EFCAB11: variants seen among roughly 807,000 people sequenced by gnomAD.
The protein encoded by EFCAB11 is EF-hand calcium-binding domain-containing protein 11.
A neutral mutation model predicts 23.0 loss-of-function variants in EFCAB11; 14 were observed. That is an observed-to-expected ratio of 0.61 (90% CI 0.40 to 0.95). The LOEUF (loss-of-function observed/expected upper bound fraction) is 0.95. Among genes scored for constraint, EFCAB11 ranks in the 40% least tolerant of loss-of-function variants. EFCAB11 has a pLI of 0.00. For synonymous variants in EFCAB11, 65 were observed against 66.6 expected (o/e 0.98, Z 0.11); for missense variants, 198 against 195.8 (o/e 1.01, Z -0.07).
chr14:89,944,662 A>C (rs1174330932), intron 3 of EFCAB11, among the ~76,000 whole-genome samples: 1 of 152,184 alleles, frequency 6.6e-6, no homozygotes, highest in Non-Finnish European at 1.5e-5. Flanking sequence ...AGAAGTTGTA[A>C]CTAATGGAAC....
chr14:89,836,226 C>A (rs936602305), intron 5 of EFCAB11, among the ~76,000 whole-genome samples: 2 of 151,866 alleles, frequency 1.3e-5, no homozygotes, highest in African/African-American at 2.4e-5. Context: ...ACAGAGGCGA[C>A]CCTACCCTGG....
chr14:89,952,991 A>G (rs1385229655), intron 2 of EFCAB11, among the ~76,000 whole-genome samples: 3 of 152,222 alleles, frequency 2.0e-5, no homozygotes, highest in Non-Finnish European at 4.4e-5. Context: ...GACAGGGGTG[A>G]GCAGGAAACT....
chr14:89,850,852 C>A (rs958925300), intron 5 of EFCAB11, among the ~76,000 whole-genome samples: 1 of 152,144 alleles, frequency 6.6e-6, no homozygotes, highest in East Asian at 1.9e-4. Context: ...TGGTTAGTGG[C>A]TTCTTGGGAT....
intron 5 of EFCAB11, among the ~76,000 whole-genome samples, chr14:89,815,123 G>C (rs1187299386): frequency 6.6e-6 from 1 of 152,146 alleles, no homozygotes; most frequent in Non-Finnish European, 1.5e-5. Flanking sequence ...TGAATAAGAC[G>C]TGAAGATCTG....
At chr14:89,801,535 G>A (rs566111887) in intron 5 of EFCAB11, among the ~76,000 whole-genome samples, 1 of 152,282 alleles carries the variant, frequency 6.6e-6, no homozygotes, top group African/African-American at 2.4e-5. Flanking sequence ...TCCCCCAGGT[G>A]TAGAATGGAG....
chr14:89,902,943 G>T (rs1028387269), intron 5 of EFCAB11, among the ~76,000 whole-genome samples: 3 of 152,202 alleles, frequency 2.0e-5, no homozygotes, highest in African/African-American at 7.2e-5. Context: ...ATAAGAGATA[G>T]CAAGAGGTGA....
At chr14:89,923,645 T>G in intron 5 of EFCAB11, 1 of 977,458 alleles carries the variant, frequency 1.0e-6, no homozygotes, top group South Asian at 4.8e-5. Context: ...TTATGGATGT[T>G]TCTATACCTG....
intron 5 of EFCAB11, among the ~76,000 whole-genome samples, chr14:89,882,306 A>G (rs1888626378): frequency 6.6e-6 from 1 of 152,202 alleles, no homozygotes; most frequent in Non-Finnish European, 1.5e-5. Context: ...ACAATGGGAA[A>G]TGTATGTGCG....
chr14:89,842,816 T>A (rs1387106034), intron 5 of EFCAB11, among the ~76,000 whole-genome samples: 1 of 152,132 alleles, frequency 6.6e-6, no homozygotes, highest in Non-Finnish European at 1.5e-5. Context: ...CTCTTATTTC[T>A]GCAGTGGAGC....
At chr14:89,883,950 AC>A (rs1888675589) in intron 5 of EFCAB11, among the ~76,000 whole-genome samples, 1 of 152,084 alleles carries the variant, frequency 6.6e-6, no homozygotes, top group Admixed American at 6.5e-5. Context: ...ACAGAGTGAG[AC>A]CTCATCTCCA....
intron 3 of EFCAB11, among the ~76,000 whole-genome samples, chr14:89,939,083 T>C (rs1890698197): frequency 6.6e-6 from 1 of 151,990 alleles, no homozygotes; most frequent in African/African-American, 2.4e-5. Context: ...ACACATCTCC[T>C]GCTCATAAAG....
At chr14:89,888,372 TG>T (rs1318117454) in intron 5 of EFCAB11, among the ~76,000 whole-genome samples, 2 of 152,242 alleles carry the variant, frequency 1.3e-5, no homozygotes, top group African/African-American at 4.8e-5. Flanking sequence ...AAGGTTTAGA[TG>T]GCTTATGGTT....
At chr14:89,904,307 A>G (rs1295656794) in intron 5 of EFCAB11, among the ~76,000 whole-genome samples, 2 of 152,126 alleles carry the variant, frequency 1.3e-5, no homozygotes, top group African/African-American at 4.8e-5. Flanking sequence ...ACATGAACTC[A>G]TCCTTTTTTA....
At chr14:89,837,887 G>A (rs1887137155) in intron 5 of EFCAB11, among the ~76,000 whole-genome samples, 1 of 152,098 alleles carries the variant, frequency 6.6e-6, no homozygotes, top group Admixed American at 6.5e-5. Flanking sequence ...TTTTTTCAGT[G>A]AGGGTCAAGG....
chr14:89,932,063 G>C (rs1890409348), intron 4 of EFCAB11, among the ~76,000 whole-genome samples: 3 of 152,162 alleles, frequency 2.0e-5, no homozygotes. Context: ...TCAAGACACT[G>C]ACCCTAGACT....
chr14:89,908,786 T>G (rs1889573236), intron 5 of EFCAB11, among the ~76,000 whole-genome samples: 1 of 152,068 alleles, frequency 6.6e-6, no homozygotes, highest in South Asian at 2.1e-4. Context: ...TCTAGGATAC[T>G]CAACTGCAAG....
rs575391272 is a variant in EFCAB11, at chr14:89,905,950, G to A, written c.410+25591C>T. Among the ~76,000 whole-genome samples the A allele has an allele frequency of 3.9e-5, 6 of 152,144 alleles. 1 individual carries two copies. The highest frequency in any genetic ancestry group is 1.9e-4 in the East Asian group (1 of 5,174). On this transcript the variant is annotated intron_variant, in intron 5 of 5. Transcript: ENST00000316738. ...CTGACGAAACAGAAAGAACAACAAG[G>A]GATGAGGATGATGACTTTCACTTTA...
chr14:89,931,863 C>T (rs1228398655), intron 4 of EFCAB11, among the ~76,000 whole-genome samples: 1 of 152,136 alleles, frequency 6.6e-6, no homozygotes, highest in Non-Finnish European at 1.5e-5. Flanking sequence ...TCACTTCTGG[C>T]CCTATCATTT....
intron 3 of EFCAB11, among the ~76,000 whole-genome samples, chr14:89,949,841 G>A (rs1232400025): frequency 3.9e-5 from 6 of 152,158 alleles, no homozygotes; most frequent in East Asian, 3.9e-4. Flanking sequence ...AGCAAGTCAC[G>A]TCTTACATGG....
Sources: gnomAD v4.1 joint callset for allele counts (sites outside exome capture counted in the v4.1 genomes callset) on GRCh38, gnomAD v4.1.1 for gene constraint, MANE v1.5 for transcripts, NCBI Gene and HGNC (gene_info 2026-07-23, HGNC 2026-07-21) for gene names.